The following PPM1J variants were observed in gnomAD, a reference collection of about 807,000 sequenced individuals.
The protein encoded by PPM1J is protein phosphatase, Mg2+/Mn2+ dependent 1J, also known as protein phosphatase 1J.
In PPM1J, 43 loss-of-function variants were observed where a neutral mutation model predicts 53.3. The ratio of observed to expected loss-of-function variants is 0.81; its 90% CI spans 0.63 to 1.04. The LOEUF (loss-of-function observed/expected upper bound fraction) is 1.04, where lower values mean the gene tolerates loss of function less well. Ranked by LOEUF, PPM1J falls within the 50% of genes least tolerant of loss-of-function variation. The pLI, the probability that PPM1J is intolerant of heterozygous loss-of-function variation, is 0.00. For missense variants in PPM1J, 635 were observed against 685.9 expected, an observed-to-expected ratio of 0.93 and a Z score of 0.83; for synonymous variants, 267 against 286.4, an observed-to-expected ratio of 0.93 and a Z score of 0.68.
chr1:112,710,171 A>G lies in PPM1J; in HGVS notation c.1510T>C (p.Tyr504His). Residue 504 changes from tyrosine to histidine, a missense_variant, in exon 10 of 10, where the codon TAC (tyrosine) becomes CAC (histidine). Tyr to His is a moderately conservative substitution (Grantham distance 83, BLOSUM62 2). Transcript: ENST00000309276. Reference sequence around the variant, plus strand: ...GGATGGTGTTCAGCCCCTCAGGAGTAACTGCCTGGCCCTCCCAGGGGGATG... The same window carrying G: ...GGATGGTGTTCAGCCCCTCAGGAGTGACTGCCTGGCCCTCCCAGGGGGATG... Reference protein sequence around the residue: ...FVIPLGGPGSYS With the variant: ...FVIPLGGPGSHS The G allele has an allele frequency of 6.4e-7, 1 of 1,564,630 alleles. No homozygotes were observed. Among genetic ancestry groups the G allele is most frequent in the Non-Finnish European group, 8.6e-7 (1 of 1,159,720 alleles).
Position 112,710,515 on chromosome 1 carries a change from C to T in PPM1J, c.1315G>A (p.Val439Ile). Residue 439 changes from valine (V) to isoleucine (I), a missense_variant, in exon 9 of 10, where the codon GTA (valine) becomes ATA (isoleucine). By Grantham distance (29) the Val-to-Ile change is conservative. Coordinates refer to ENST00000309276, the MANE Select transcript of PPM1J (RefSeq NM_005167.7). ...AGCACCCTGTCCACAGTGGCAGCTA[C>T]CTCACAGTCAGTAGTGACATCCCAC... ...GLWDVTTDCE[V>I]AATVDRVLSA... is the part of the protein sequence containing the mutation. 1.2e-6 allele frequency: 2 copies of T among 1,614,188 alleles called. No homozygotes were observed. Among genetic ancestry groups the T allele is most frequent in the South Asian group, 2.2e-5 (2 of 91,082 alleles).
intron 1 of PPM1J, chr1:112,714,351 T>C: frequency 1.0e-6 from 1 of 985,472 alleles, no homozygotes; most frequent in African/African-American, 1.7e-5. Context: ...AGCCGGCCGC[T>C]CCGGGCAGGG....
rs1675096592 is a variant in PPM1J at position 112,712,795 on chromosome 1, C to T, written c.678G>A (p.Val226=). 4.3e-6 allele frequency: 7 copies of T among 1,612,962 alleles called. No homozygotes were observed. The highest frequency in any genetic ancestry group is 5.9e-6 in the Non-Finnish European group (7 of 1,179,990). ...CCCCCACTACCAGGCTCTCGTGGCT[C>T]ACTTCCTTCTGTGAAGACCAGCAGG... ...PQSCWSSQKE[V]SHESLVVGAV... Residue 226 remains valine (V), a synonymous_variant, in exon 3 of 10, where the codon GTG becomes GTA. Transcript: ENST00000309276.
chr1:112,712,525 AC>A (rs1402001201), intron 3 of PPM1J, 68 bp from the exon 4 acceptor site: 59 of 1,350,724 alleles, frequency 4.4e-5, no homozygotes, highest in Admixed American at 1.8e-4. Context: ...CCCTCCCCCT[AC>A]CCCCTCCACC....
Position 112,711,984 on chromosome 1 carries a change from C to T in PPM1J, c.914G>A (p.Arg305His), listed in dbSNP as rs377437744. The change falls in exon 5 of 10, where the codon CGT (arginine) becomes CAT (histidine). Residue 305 changes from arginine to histidine, a missense_variant. Transcript: ENST00000309276. ...GTTCCTACTTACAAGCAGCTGAAGA[C>T]GCTGGCGCTCAGTCTCCGGGGTAAA... ...REFTPETERQ[R>H]LQLLGFLKPE... The T allele has an allele frequency of 3.1e-5, 49 of 1,606,458 alleles. No homozygotes were observed. Among genetic ancestry groups the T allele is most frequent in the Admixed American group, 8.4e-5 (5 of 59,596 alleles).
At position 112,714,891 on chromosome 1, in the gene PPM1J, G is replaced by A. The variant is rs988532525; in HGVS notation, c.326+85C>T. The A allele has an allele frequency of 2.3e-6, 3 of 1,317,918 alleles. No individual in the cohort carries two copies. In the African/African-American group the frequency reaches 4.6e-5, roughly 20 times the overall value. The allele number at this position is 1,317,918 out of a possible 1,614,324, so 81.6% of individuals were successfully genotyped here. A position where few individuals can be genotyped will look rare whatever the true frequency, so the allele number is the denominator to read the frequency against. ...AGCTCCTGGCCCGGACGCGGCGTGG[G>A]GAACGCGTCCTAGCGCCGGGGATGC... On this transcript the variant is annotated intron_variant, in intron 1 of 9. Transcript: ENST00000309276.
chr1:112,710,487 G>A lies in PPM1J; in HGVS notation c.1343C>T (p.Ser448Leu), dbSNP rs762264636. ...GCTGTGGTCATTAGGCTCATAGGCC[G>A]ACAGCACCCTGTCCACAGTGGCAGC... The part of the protein sequence containing the change: ...EVAATVDRVL[S>L]AYEPNDHSRY... The change falls in exon 9 of 10, where the codon TCG (serine) becomes TTG (leucine). Residue 448 changes from serine (S) to leucine (L), a missense_variant. Transcript: ENST00000309276. The A allele has an allele frequency of 3.7e-6, 6 of 1,614,016 alleles. No homozygotes were observed. Among genetic ancestry groups the A allele is most frequent in the East Asian group, 4.5e-5 (2 of 44,890 alleles).
chr1:112,710,959 A>T (rs1228351638), intron 7 of PPM1J, 49 bp downstream of exon 7: 6 of 1,595,144 alleles, frequency 3.8e-6, no homozygotes, highest in Non-Finnish European at 5.2e-6. Flanking sequence ...TCCCTAGACA[A>T]GTTGTGATAG....
intron 1 of PPM1J, chr1:112,714,689 G>A: frequency 6.6e-6 from 8 of 1,215,432 alleles, no homozygotes; most frequent in Admixed American, 4.3e-5. Context: ...ATCCTTCGCC[G>A]GGCTCTCCGC....
Position 112,710,494 on chromosome 1 carries a change from C to G in PPM1J, c.1336G>C (p.Val446Leu). Residue 446 changes from valine to leucine, a missense_variant, in exon 9 of 10, where the codon GTG (valine) becomes CTG (leucine). Physicochemically the swap from Val to Leu is conservative, Grantham distance 32. Transcript: ENST00000309276. ...DCEVAATVDR[V>L]LSAYEPNDHS... The stretch of plus-strand genomic sequence containing the variant: ...TCATTAGGCTCATAGGCCGACAGCA[C>G]CCTGTCCACAGTGGCAGCTACCTCA... 6.2e-7 allele frequency: 1 copy of G among 1,614,114 alleles called. No individual in the cohort carries two copies. The highest frequency in any genetic ancestry group is 8.5e-7 in the Non-Finnish European group (1 of 1,180,030).
At chr1:112,714,359 G>A (rs990986055) in intron 1 of PPM1J, 35 of 985,462 alleles carry the variant, frequency 3.6e-5, no homozygotes, top group Non-Finnish European at 4.0e-5. Context: ...GCTCCGGGCA[G>A]GGGGTCCGCT....
Position 112,710,325 on chromosome 1 carries a change from C to T in PPM1J, c.1371-15G>A, listed in dbSNP as rs57354954. 3.7e-3 allele frequency: 5,915 copies of T among 1,613,074 alleles called. 182 individuals carry two copies. The African/African-American group carries it at 0.069, about 19-fold the overall frequency. On this transcript the variant is annotated splice_polypyrimidine_tract_variant and intron_variant, in intron 9 of 9. Coordinates refer to ENST00000309276, the MANE Select transcript of PPM1J (RefSeq NM_005167.7). ...GAGCTGTATACCTGCCAGGAGCACA[C>T]ATGCACATTCATGTACCAACATGTA...
chr1:112,714,140 T>A (rs559326251), intron 1 of PPM1J: 193 of 1,000,030 alleles, frequency 1.9e-4, no homozygotes, highest in Non-Finnish European at 8.0e-5. Flanking sequence ...AAAGAGGAAC[T>A]GAAATAGAGT....
chr1:112,712,847 T>C lies in PPM1J; in HGVS notation c.626A>G (p.Asp209Gly). The stretch of plus-strand genomic sequence containing the variant: ...CTGAGGGCCAAGCAAGTGAGAGGGA[T>C]CGGAGGAATCTGGGGTCCCCGGAGT... ...PTTPGTPDSS[D>G]PSHLLGPQSC... The change falls in exon 3 of 10, where the codon GAT becomes GGT. Residue 209 changes from aspartate to glycine, a missense_variant. Transcript: ENST00000309276. The C allele has an allele frequency of 6.2e-7, 1 of 1,613,750 alleles. No homozygotes were observed. Among genetic ancestry groups the C allele is most frequent in the Non-Finnish European group, 8.5e-7 (1 of 1,179,992 alleles).
chr1:112,714,538 C>G, intron 1 of PPM1J: 1 of 994,514 alleles, frequency 1.0e-6, no homozygotes, highest in Non-Finnish European at 1.2e-6. Flanking sequence ...GGACAGGGAA[C>G]TGGGGCGCTG....
At chr1:112,714,896 G>A (rs922247226) in intron 1 of PPM1J, 80 bp downstream of exon 1, 17 of 1,317,166 alleles carry the variant, frequency 1.3e-5, no homozygotes, top group Admixed American at 8.3e-5. Context: ...CGTGGGGAAC[G>A]CGTCCTAGCG....
intron 1 of PPM1J, chr1:112,714,752 T>C: frequency 8.0e-7 from 1 of 1,247,786 alleles, no homozygotes; most frequent in Non-Finnish European, 1.0e-6. Context: ...GCGAGGGCAG[T>C]CAATGAGCGG....
chr1:112,711,942 T>C (rs1675073048), intron 5 of PPM1J, 29 bp downstream of exon 5: 1 of 1,530,078 alleles, frequency 6.5e-7, no homozygotes, highest in Non-Finnish European at 9.0e-7. Context: ...CGACAAAGAA[T>C]GGGGGTAGGG....
At chr1:112,712,698 C>A in intron 3 of PPM1J, 46 bp downstream of exon 3, 1 of 1,562,792 alleles carries the variant, frequency 6.4e-7, no homozygotes. Context: ...ACAGAGTTGG[C>A]CAGAGTGGTT....
Sources: allele counts gnomAD v4.1 joint callset, GRCh38; gene constraint gnomAD v4.1.1; transcripts MANE v1.5; gene names NCBI Gene and HGNC (gene_info 2026-07-23, HGNC 2026-07-21).